HAUS5: variants seen among roughly 807,000 people sequenced by gnomAD.
The protein encoded by HAUS5 is HAUS augmin-like complex subunit 5.
In HAUS5, 67 loss-of-function variants were observed where a neutral mutation model predicts 94.1. The observed-to-expected ratio is 0.71, with a 90% CI of 0.58 to 0.87. The LOEUF is 0.87. HAUS5 is among the 40% of genes least tolerant of loss of function. The probability of loss-of-function intolerance (pLI) is 0.00; values close to 1 mark genes in which losing one functional copy is unlikely to be tolerated. For missense variants in HAUS5, 739 were observed against 825.6 expected, an observed-to-expected ratio of 0.90 and a Z score of 1.29; for synonymous variants, 339 against 355.4, an observed-to-expected ratio of 0.95 and a Z score of 0.52.
intron 17 of HAUS5, among the ~76,000 whole-genome samples, chr19:35,621,795 G>C (rs1358822037): frequency 6.6e-6 from 1 of 152,104 alleles, no homozygotes; most frequent in Non-Finnish European, 1.5e-5. Context: ...AATTCCACCT[G>C]ACAGCAGACG....
rs932221520 is a variant in HAUS5, at chr19:35,617,481, G to A, written c.638+112G>A. On this transcript the variant is annotated intron_variant, in intron 8 of 18. Coordinates refer to ENST00000203166, the MANE Select transcript of HAUS5 (RefSeq NM_015302.2). Reference sequence around the variant, plus strand: ...CTTCTGGGCTACGTTCTGTAGAAGGGGACTTCCAGGCTGGGAATAGAAGGA... The same window carrying A: ...CTTCTGGGCTACGTTCTGTAGAAGGAGACTTCCAGGCTGGGAATAGAAGGA... 9 of 689,128 alleles carry A rather than the reference G, an allele frequency of 1.3e-5. No homozygotes were observed. In the African/African-American group the frequency reaches 1.6e-4, roughly 12 times the overall value. The allele number at this position is 689,128 out of a possible 1,614,324, so 42.7% of individuals were successfully genotyped here. A position where few individuals can be genotyped will look rare whatever the true frequency, so the allele number is the denominator to read the frequency against.
chr19:35,620,307 C>T lies in HAUS5; in HGVS notation c.1631C>T (p.Pro544Leu), dbSNP rs1459198090. ...WDLLHMKTSL[P>L]PGLPTQELLQ... ...CTACTCCACATGAAGACCAGCCTGC[C>T]GCCAGGCCTTCCCACCCAGGGTAGG... The change falls in exon 17 of 19, where the codon CCG becomes CTG. Residue 544 changes from proline (P) to leucine (L), a missense_variant. Coordinates refer to ENST00000203166, the MANE Select transcript of HAUS5 (RefSeq NM_015302.2). 3.7e-6 allele frequency: 6 copies of T among 1,612,880 alleles called. No homozygotes were observed. The highest frequency in any genetic ancestry group is 1.3e-5 in the African/African-American group (1 of 74,840).
chr19:35,619,656 C>T lies in HAUS5; in HGVS notation c.1304C>T (p.Ala435Val), dbSNP rs1237624418. ...CGAAAGGTGGTCCCTACATTTGAGG[C>T]AGTGGCACCACAGAGCCGGGAGCTG... Reference protein sequence around the residue: ...VQRKVVPTFEAVAPQSRELLR... With the variant: ...VQRKVVPTFEVVAPQSRELLR... The change falls in exon 15 of 19, where the codon GCA (alanine) becomes GTA (valine). Residue 435 changes from alanine (A) to valine (V), a missense_variant. Coordinates refer to ENST00000203166, the MANE Select transcript of HAUS5 (RefSeq NM_015302.2). 1 of 1,442,782 alleles carries T rather than the reference C, an allele frequency of 6.9e-7. No individual in the cohort carries two copies. The highest frequency in any genetic ancestry group is 1.2e-5 in the South Asian group (1 of 85,796). The allele number at this position is 1,442,782 out of a possible 1,614,324, so 89.4% of individuals were successfully genotyped here.
chr19:35,613,808 G>A lies in HAUS5; in HGVS notation c.161+16G>A, dbSNP rs764624971. The A allele has an allele frequency of 6.2e-7, 1 of 1,614,060 alleles. No homozygotes were observed. The highest frequency in any genetic ancestry group is 8.5e-7 in the Non-Finnish European group (1 of 1,180,022). On this transcript the variant is annotated intron_variant, in intron 2 of 18. Transcript: ENST00000203166. ...ACAGTCAGAGGTAAGCTGGGCTAGAGCAGGGGAGGGGGCACAGGTGAGGCC... is the reference window on the plus strand; with the variant it reads ...ACAGTCAGAGGTAAGCTGGGCTAGAACAGGGGAGGGGGCACAGGTGAGGCC...
rs767826858 is a variant in HAUS5, at chr19:35,620,246, C to T, written c.1570C>T (p.Leu524Phe). ...AAASLRQDLL[L>F]LQDQRSLWCW... ...TGCCTCTCTTCGCCAGGACCTTCTG[C>T]TCCTGCAGGACCAGCGGAGCCTCTG... is the stretch of plus-strand genomic sequence containing the variant. The change falls in exon 17 of 19, where the codon CTC becomes TTC. Residue 524 changes from leucine (L) to phenylalanine (F), a missense_variant. Coordinates refer to ENST00000203166, the MANE Select transcript of HAUS5 (RefSeq NM_015302.2). 1 of 1,613,690 alleles carries T rather than the reference C, an allele frequency of 6.2e-7. No homozygotes were observed. Among genetic ancestry groups the T allele is most frequent in the East Asian group, 2.2e-5 (1 of 44,882 alleles).
chr19:35,617,138 A>G lies in HAUS5; in HGVS notation c.500A>G (p.Asp167Gly). 1 of 1,613,802 alleles carries G rather than the reference A, an allele frequency of 6.2e-7. No individual in the cohort carries two copies. The highest frequency in any genetic ancestry group is 8.5e-7 in the Non-Finnish European group (1 of 1,179,786). ...TCTCCCTCCAGGAAAGCCAAAGTAG[A>G]TGTGACCTTTGGATCCCTCACGTCG... ...LQDMERKAKV[D>G]VTFGSLTSAA... Residue 167 changes from aspartate to glycine, a missense_variant, in exon 7 of 19, where the codon GAT becomes GGT. Physicochemically the swap from Asp to Gly is moderately conservative, Grantham distance 94. Transcript: ENST00000203166.
intron 17 of HAUS5, among the ~76,000 whole-genome samples, 160 bp downstream of exon 17, chr19:35,620,487 G>C (rs1302862541): frequency 6.6e-6 from 1 of 152,212 alleles, no homozygotes; most frequent in Non-Finnish European, 1.5e-5. Flanking sequence ...AGTCCCATAA[G>C]GTAAGTGCTG....
At chr19:35,617,754 A>G (rs960550493) in intron 8 of HAUS5, 101 bp from the exon 9 acceptor site, 2 of 999,078 alleles carry the variant, frequency 2.0e-6, no homozygotes, top group African/African-American at 1.6e-5. Context: ...TCTAACAGGC[A>G]TAGGGAAGAT....
At position 35,618,180 on chromosome 19, in the gene HAUS5, A is replaced by G; in HGVS notation, c.806A>G (p.Asp269Gly). The G allele has an allele frequency of 6.2e-7, 1 of 1,602,532 alleles. No homozygotes were observed. Among genetic ancestry groups the G allele is most frequent in the Non-Finnish European group, 8.5e-7 (1 of 1,172,582 alleles). The change falls in exon 10 of 19, where the codon GAC (aspartate) becomes GGC (glycine). Residue 269 changes from aspartate to glycine, a missense_variant. Coordinates refer to ENST00000203166, the MANE Select transcript of HAUS5 (RefSeq NM_015302.2). Reference sequence around the variant, plus strand: ...CTGTGCAGTGGGGATGGGCTTGGCGACACAGAGATATCCAGGTGTGGGGCA... The same window carrying G: ...CTGTGCAGTGGGGATGGGCTTGGCGGCACAGAGATATCCAGGTGTGGGGCA... ...RSLCSGDGLG[D>G]TEISRPQAPD... is the part of the protein sequence containing the mutation.
chr19:35,615,057 G>C lies in HAUS5; in HGVS notation c.235G>C (p.Glu79Gln). Reference protein sequence around the residue: ...QDSPQVRRKLELEAAVTRLRA... With the variant: ...QDSPQVRRKLQLEAAVTRLRA... ...ATCCTCCCAGGTCCGTCGGAAGTTA[G>C]AGCTGGAAGCTGCTGTGACCCGCCT... Residue 79 changes from glutamate (E) to glutamine (Q), a missense_variant, in exon 5 of 19, where the codon GAG becomes CAG. Coordinates refer to ENST00000203166, the MANE Select transcript of HAUS5 (RefSeq NM_015302.2). 6.3e-7 allele frequency: 1 copy of C among 1,597,844 alleles called. No individual in the cohort carries two copies. Among genetic ancestry groups the C allele is most frequent in the Non-Finnish European group, 8.5e-7 (1 of 1,172,210 alleles).
chr19:35,619,382 G>A, intron 13 of HAUS5, 42 bp from the exon 14 acceptor site: 3 of 1,472,488 alleles, frequency 2.0e-6, no homozygotes, highest in Non-Finnish European at 2.8e-6. Context: ...ACTGAGGCTG[G>A]GAGCTGGGAG....
At chr19:35,613,565 T>C in intron 1 of HAUS5, 165 bp from the exon 2 acceptor site, 1 of 581,912 alleles carries the variant, frequency 1.7e-6, no homozygotes, top group Non-Finnish European at 3.0e-6. Flanking sequence ...AGCGAGACTG[T>C]CTCTTAAAAA....
Position 35,623,016 on chromosome 19 carries a change from G to A in HAUS5, c.*23G>A, listed in dbSNP as rs1408157419. On this transcript the variant is annotated 3_prime_UTR_variant, in exon 19 of 19. Transcript: ENST00000203166. ...TGAAGAGAGGGTTCAAACGGAAGCCGAGAACTTGACACTGTTCACCCCAAC... is the reference window on the plus strand; with the variant it reads ...TGAAGAGAGGGTTCAAACGGAAGCCAAGAACTTGACACTGTTCACCCCAAC... The A allele has an allele frequency of 8.7e-6, 13 of 1,493,182 alleles. No homozygotes were observed. Among genetic ancestry groups the A allele is most frequent in the Non-Finnish European group, 1.2e-5 (13 of 1,076,878 alleles). The allele number at this position is 1,493,182 out of a possible 1,614,324, so 92.5% of individuals were successfully genotyped here. A position where few individuals can be genotyped will look rare whatever the true frequency, so the allele number is the denominator to read the frequency against.
At chr19:35,618,536 T>C in intron 11 of HAUS5, 33 bp from the exon 12 acceptor site, 2 of 1,612,856 alleles carry the variant, frequency 1.2e-6, no homozygotes, top group Non-Finnish European at 1.7e-6. Context: ...GATCATGCCC[T>C]GGGTGTACCC....
chr19:35,618,496 T>A (rs1305854791), intron 11 of HAUS5, 31 bp downstream of exon 11: 7 of 1,613,976 alleles, frequency 4.3e-6, no homozygotes, highest in Non-Finnish European at 5.9e-6. Flanking sequence ...CCCACCACAT[T>A]CCAAGACTTC....
intron 6 of HAUS5, among the ~76,000 whole-genome samples, chr19:35,616,082 C>T (rs1330152562): frequency 1.3e-5 from 2 of 151,966 alleles, no homozygotes; most frequent in Non-Finnish European, 1.5e-5. Flanking sequence ...TTTGGGAGGC[C>T]GAGGCAGGCG....
At chr19:35,613,557 C>G (rs1472466856) in intron 1 of HAUS5, 173 bp from the exon 2 acceptor site, 1 of 587,600 alleles carries the variant, frequency 1.7e-6, no homozygotes, top group African/African-American at 2.1e-5. Flanking sequence ...TGCGACAGAG[C>G]GAGACTGTCT....
At position 35,620,137 on chromosome 19, in the gene HAUS5, T is replaced by C; in HGVS notation, c.1518+14T>C. 6.2e-7 allele frequency: 1 copy of C among 1,611,894 alleles called. No individual in the cohort carries two copies. The highest frequency in any genetic ancestry group is 1.1e-5 in the South Asian group (1 of 91,016). On this transcript the variant is annotated intron_variant, in intron 16 of 18. Coordinates refer to ENST00000203166, the MANE Select transcript of HAUS5 (RefSeq NM_015302.2). Reference sequence around the variant, plus strand: ...CCTCCAGGGAAGGTGAGTGCCCGTCTCCTGTGACTTGTCTCCCCAGCCCCG... The same window carrying C: ...CCTCCAGGGAAGGTGAGTGCCCGTCCCCTGTGACTTGTCTCCCCAGCCCCG...
In HAUS5 at chr19:35,617,130, C is replaced by T. The variant is rs1235373027; in HGVS notation, c.492C>T (p.Ala164=). ...GCTGCACTTCTCCCTCCAGGAAAGC[C>T]AAAGTAGATGTGACCTTTGGATCCC... ...LRRLQDMERK[A]KVDVTFGSLT... Residue 164 remains alanine (A), a synonymous_variant, in exon 7 of 19, where the codon GCC becomes GCT. Coordinates refer to ENST00000203166, the MANE Select transcript of HAUS5 (RefSeq NM_015302.2). The T allele has an allele frequency of 1.2e-6, 2 of 1,613,340 alleles. No homozygotes were observed. The highest frequency in any genetic ancestry group is 1.7e-6 in the Non-Finnish European group (2 of 1,179,444).
Sources: allele counts gnomAD v4.1 joint callset (sites outside exome capture counted in the v4.1 genomes callset), GRCh38; gene constraint gnomAD v4.1.1; transcripts MANE v1.5; gene names NCBI Gene and HGNC (gene_info 2026-07-23, HGNC 2026-07-21).